AP1S3: variants seen among roughly 807,000 people sequenced by gnomAD.
AP1S3 encodes the protein AP-1 complex subunit sigma-3.
Under a neutral mutation model 20.9 loss-of-function variants are expected in AP1S3, and 10 were observed. That is an observed-to-expected ratio of 0.48 (90% CI 0.29 to 0.81). The LOEUF (loss-of-function observed/expected upper bound fraction) is 0.81, where lower values mean the gene tolerates loss of function less well. Among genes scored for constraint, AP1S3 ranks in the 30% least tolerant of loss-of-function variants. AP1S3 has a pLI of 0.08. For synonymous variants in AP1S3, 41 were observed against 61.5 expected, an observed-to-expected ratio of 0.67 and a Z score of 1.56; for missense variants, 154 against 183.8, an observed-to-expected ratio of 0.84 and a Z score of 0.94.
rs968053768 is a variant in AP1S3, at chr2:223,765,404, C to CA, written c.292-55dup. On this transcript the variant is annotated intron_variant, in intron 3 of 4. Transcript: ENST00000396654. ...AAACTTGCAGTTGTATCAGGGGAAACATCTGCCCGAATCTCGAGCTTTTTC... is the reference window on the plus strand; with the variant it reads ...AAACTTGCAGTTGTATCAGGGGAAACAATCTGCCCGAATCTCGAGCTTTTTC... 1.9e-6 allele frequency: 3 copies of CA among 1,551,442 alleles called. No homozygotes were observed. The African/African-American group carries it at 4.1e-5, about 21-fold the overall frequency.
intron 1 of AP1S3, among the ~76,000 whole-genome samples, chr2:223,820,018 A>G (rs1303804847): frequency 6.6e-6 from 1 of 152,200 alleles, no homozygotes; most frequent in Non-Finnish European, 1.5e-5. Flanking sequence ...TGTGTAAAAG[A>G]GTTTGCAACA....
chr2:223,780,002 G>C (rs990720686), intron 1 of AP1S3, among the ~76,000 whole-genome samples: 1 of 151,706 alleles, frequency 6.6e-6, no homozygotes, highest in Non-Finnish European at 1.5e-5. Flanking sequence ...CTATTGAAAA[G>C]GCTGAGGCCT....
At chr2:223,766,935 T>C (rs1211604960) in intron 3 of AP1S3, among the ~76,000 whole-genome samples, 6 of 151,992 alleles carry the variant, frequency 3.9e-5, no homozygotes, top group Non-Finnish European at 8.8e-5. Context: ...ACCATCATTC[T>C]CAGCAAACTA....
rs1559271894 is a variant in AP1S3, at chr2:223,758,247, ACT to A, written c.*466_*467del. 5.1e-6 allele frequency: 5 copies of A among 977,906 alleles called. No individual in the cohort carries two copies. Among genetic ancestry groups the A allele is most frequent in the Non-Finnish European group, 6.1e-6 (5 of 822,672 alleles). 60.6% of individuals were successfully genotyped at this position (977,906 alleles called of 1,614,324 possible). On this transcript the variant is annotated 3_prime_UTR_variant, in exon 5 of 5. Transcript: ENST00000396654. ...GAAAAATGTCTAGCATTACATATAAACTCTGCACTATTAACATAATTTTGAAT... is the reference window on the plus strand; with the variant it reads ...GAAAAATGTCTAGCATTACATATAAACTGCACTATTAACATAATTTTGAAT...
At chr2:223,822,382 T>TA (rs958827914) in intron 1 of AP1S3, among the ~76,000 whole-genome samples, 90 of 145,170 alleles carry the variant, frequency 6.2e-4, no homozygotes, top group African/African-American at 1.7e-3. Context: ...GATCCTGTCT[T>TA]AAAAAAAAAA....
chr2:223,767,910 T>C (rs913433753), intron 3 of AP1S3, among the ~76,000 whole-genome samples: 11 of 152,186 alleles, frequency 7.2e-5, no homozygotes, highest in Non-Finnish European at 1.5e-4. Flanking sequence ...CTACTGATTC[T>C]ATTGTCTAAA....
chr2:223,773,153 A>T (rs1219733768), intron 3 of AP1S3, among the ~76,000 whole-genome samples: 6 of 152,220 alleles, frequency 3.9e-5, no homozygotes, highest in African/African-American at 1.2e-4. Flanking sequence ...TGAGAAGCAT[A>T]ATGCCCTGAG....
rs1174079714 is a variant in AP1S3, at chr2:223,824,925, C to T, written c.3+12523G>A. 2.0e-5 allele frequency among the ~76,000 whole-genome samples: 3 copies of T among 152,126 alleles called. No individual in the cohort carries two copies. The East Asian group carries it at 5.8e-4, about 29-fold the overall frequency. ...AAAAATTCACACGTGAGAAATGTCACTCCAATAATACTGGATACATAATTC... is the reference window on the plus strand; with the variant it reads ...AAAAATTCACACGTGAGAAATGTCATTCCAATAATACTGGATACATAATTC... On this transcript the variant is annotated intron_variant, in intron 1 of 4. Transcript: ENST00000396654.
chr2:223,836,089 C>A (rs934709890), intron 1 of AP1S3, among the ~76,000 whole-genome samples: 1 of 152,224 alleles, frequency 6.6e-6, no homozygotes, highest in Non-Finnish European at 1.5e-5. Context: ...CAACTGCGGT[C>A]TTGCTGGCCA....
chr2:223,810,240 T>C (rs1691690245), intron 1 of AP1S3, among the ~76,000 whole-genome samples: 1 of 152,158 alleles, frequency 6.6e-6, no homozygotes, highest in East Asian at 1.9e-4. Context: ...AAATTTAGAC[T>C]AAGTGGCTTA....
rs6707111 is a variant in AP1S3 at position 223,761,321 on chromosome 2, G to A, written c.430-2571C>T. Among the ~76,000 whole-genome samples, 623 of 152,264 alleles carry A rather than the reference G, an allele frequency of 4.1e-3. 5 individuals are homozygous for A. Among genetic ancestry groups the A allele is most frequent in the African/African-American group, 0.014 (594 of 41,560 alleles). On this transcript the variant is annotated intron_variant, in intron 4 of 4. Coordinates refer to ENST00000396654, the MANE Select transcript of AP1S3 (RefSeq NM_001039569.2). ...TGTGGTTTGGCCTAGCTGTTAACATGGTTTACGCTTTTAAGGGTGACAGTG... is the reference window on the plus strand; with the variant it reads ...TGTGGTTTGGCCTAGCTGTTAACATAGTTTACGCTTTTAAGGGTGACAGTG...
At chr2:223,767,189 A>C (rs903754112) in intron 3 of AP1S3, among the ~76,000 whole-genome samples, 1 of 152,008 alleles carries the variant, frequency 6.6e-6, no homozygotes, top group Non-Finnish European at 1.5e-5. Flanking sequence ...AATTTTAGAA[A>C]AAGGGAGGAG....
At position 223,837,469 on chromosome 2, in the gene AP1S3, T is replaced by C; in HGVS notation, c.-19A>G. ...TCACCATCGTGGCTGGGCCGCCGCC[T>C]CCCCCGCCTTGCGAGCAAGGAGCGC... is the stretch of plus-strand genomic sequence containing the variant. On this transcript the variant is annotated 5_prime_UTR_variant, in exon 1 of 5. Transcript: ENST00000396654. 3 of 1,279,658 alleles carry C rather than the reference T, an allele frequency of 2.3e-6. No individual in the cohort carries two copies. The highest frequency in any genetic ancestry group is 3.0e-6 in the Non-Finnish European group (3 of 1,011,234). 79.3% of individuals were successfully genotyped at this position (1,279,658 alleles called of 1,614,324 possible).
intron 1 of AP1S3, among the ~76,000 whole-genome samples, chr2:223,822,766 C>A (rs932725925): frequency 2.0e-5 from 3 of 152,002 alleles, no homozygotes; most frequent in African/African-American, 7.2e-5. Context: ...AGCTTCTGCA[C>A]AGCAGAGAAA....
At chr2:223,817,551 T>G (rs1691873369) in intron 1 of AP1S3, among the ~76,000 whole-genome samples, 1 of 143,592 alleles carries the variant, frequency 7.0e-6, no homozygotes, top group Admixed American at 7.7e-5. Flanking sequence ...GAGGTTGCAG[T>G]GAGCCGAGAT....
At chr2:223,811,115 CAG>C (rs1050355980) in intron 1 of AP1S3, among the ~76,000 whole-genome samples, 1 of 149,966 alleles carries the variant, frequency 6.7e-6, no homozygotes, top group Non-Finnish European at 1.5e-5. Context: ...TTTCTTGAGA[CAG>C]AGTCTTGCTC....
In AP1S3 at chr2:223,786,025, G is replaced by A. The variant is rs116513200; in HGVS notation, c.4-8156C>T. On this transcript the variant is annotated intron_variant, in intron 1 of 4. Coordinates refer to ENST00000396654, the MANE Select transcript of AP1S3 (RefSeq NM_001039569.2). ...CAGGTGTACTACTCTGGTAGGGGAC[G>A]TTGATAATGGGAGAGACTCTACATG... 5.7e-3 allele frequency among the ~76,000 whole-genome samples: 871 copies of A among 152,278 alleles called. 13 individuals carry two copies. Among genetic ancestry groups the A allele is most frequent in the African/African-American group, 0.019 (794 of 41,560 alleles).
Position 223,765,194 on chromosome 2 carries a change from TTTGGGAAACCG to T in AP1S3, c.429+8_429+18del. The T allele has an allele frequency of 4.4e-6, 7 of 1,605,624 alleles. No individual in the cohort carries two copies. The highest frequency in any genetic ancestry group is 5.1e-6 in the Non-Finnish European group (6 of 1,177,976). On this transcript the variant is annotated splice_region_variant and intron_variant, in intron 4 of 4. Transcript: ENST00000396654. ...CATCATCATCATCTTTCTCCCATGG[TTTGGGAAACCG>T]TACTGACCTCCTGTAACATATCAGA...
chr2:223,825,341 C>T (rs1472422171), intron 1 of AP1S3, among the ~76,000 whole-genome samples: 1 of 151,672 alleles, frequency 6.6e-6, no homozygotes, highest in Non-Finnish European at 1.5e-5. Flanking sequence ...AACAGTTCCT[C>T]ATGGTCGACC....
Sources: gnomAD v4.1 joint callset for allele counts (sites outside exome capture counted in the v4.1 genomes callset) on GRCh38, gnomAD v4.1.1 for gene constraint, MANE v1.5 for transcripts, NCBI Gene and HGNC (gene_info 2026-07-23, HGNC 2026-07-21) for gene names.